Variants in RIMS1 observed in about 807,000 individuals in gnomAD.
RIMS1 encodes regulating synaptic membrane exocytosis protein 1.
RIMS1 carries 83 observed loss-of-function variants against 214.1 expected under a neutral mutation model. That is an observed-to-expected ratio of 0.39 (90% CI 0.32 to 0.47). RIMS1 has a LOEUF of 0.47. Ranked by LOEUF, RIMS1 falls within the 20% of genes least tolerant of loss-of-function variation. The pLI is 0.99. For synonymous variants in RIMS1, 793 were observed against 786.8 expected (o/e 1.01, Z -0.13); for missense variants, 2,050 against 2,161.8 (o/e 0.95, Z 1.03).
intron 1 of RIMS1, among the ~76,000 whole-genome samples, chr6:71,915,394 G>A (rs1193955856): frequency 6.6e-6 from 1 of 152,136 alleles, no homozygotes; most frequent in Non-Finnish European, 1.5e-5. Context: ...AGTTCTGAAT[G>A]TAAAAGGCCA....
chr6:71,995,316 G>A (rs895292849), intron 2 of RIMS1, among the ~76,000 whole-genome samples: 3 of 152,134 alleles, frequency 2.0e-5, no homozygotes, highest in Non-Finnish European at 4.4e-5. Context: ...AATCATTTCT[G>A]CCTCAGACTA....
intron 6 of RIMS1, among the ~76,000 whole-genome samples, chr6:72,209,074 A>G (rs1407138020): frequency 6.6e-6 from 1 of 152,222 alleles, no homozygotes; most frequent in East Asian, 1.9e-4. Flanking sequence ...AAAACAAAGA[A>G]TAGAATTCAT....
chr6:72,157,695 A>T lies in RIMS1; in HGVS notation c.472-21880A>T, dbSNP rs1434792779. Among the ~76,000 whole-genome samples the T allele has an allele frequency of 2.1e-5, 3 of 140,242 alleles. 1 individual carries two copies. Among genetic ancestry groups the T allele is most frequent in the Non-Finnish European group, 4.9e-5 (3 of 61,674 alleles). The allele number at this position is 140,242 out of a possible 152,430, so 92.0% of individuals were successfully genotyped here. A position where few individuals can be genotyped will look rare whatever the true frequency, so the allele number is the denominator to read the frequency against. ...TAGTCTTTCTTCTAATTAGCAAATC[A>T]TTGGCTTAGGTTGTTTACACAGTCC... On this transcript the variant is annotated intron_variant, in intron 4 of 33. Transcript: ENST00000521978.
chr6:72,323,970 T>A (rs2096301134), intron 28 of RIMS1, among the ~76,000 whole-genome samples: 1 of 151,734 alleles, frequency 6.6e-6, no homozygotes, highest in African/African-American at 2.4e-5. Context: ...AATTTTATGC[T>A]TAGTAAATAT....
At chr6:71,995,973 G>A (rs573220817) in intron 2 of RIMS1, among the ~76,000 whole-genome samples, 1 of 152,216 alleles carries the variant, frequency 6.6e-6, no homozygotes, top group Admixed American at 6.5e-5. Context: ...TTTTAATAGA[G>A]ACGGAATTTC....
chr6:72,055,507 T>C (rs551923714), intron 2 of RIMS1, among the ~76,000 whole-genome samples: 95 of 152,328 alleles, frequency 6.2e-4, no homozygotes, highest in Non-Finnish European at 3.8e-4. Context: ...TATTTTTCTC[T>C]TCCCTTATTG....
intron 2 of RIMS1, among the ~76,000 whole-genome samples, chr6:72,044,078 T>A (rs1011553752): frequency 1.3e-5 from 2 of 151,688 alleles, no homozygotes; most frequent in African/African-American, 4.8e-5. Flanking sequence ...AATCAGTAAA[T>A]GTTTAAAAAT....
intron 1 of RIMS1, among the ~76,000 whole-genome samples, chr6:71,967,947 C>T (rs1794888429): frequency 6.6e-6 from 1 of 152,144 alleles, no homozygotes; most frequent in South Asian, 2.1e-4. Context: ...ACCACTGCCT[C>T]ACCAGTGATC....
chr6:71,955,947 G>A (rs1486316343), intron 1 of RIMS1, among the ~76,000 whole-genome samples: 2 of 152,074 alleles, frequency 1.3e-5, no homozygotes, highest in East Asian at 3.9e-4. Context: ...TCTTGCCAAT[G>A]TTTTAATTGG....
At chr6:72,038,243 A>T (rs1820501036) in intron 2 of RIMS1, among the ~76,000 whole-genome samples, 1 of 149,034 alleles carries the variant, frequency 6.7e-6, no homozygotes. Flanking sequence ...GATATGAAAA[A>T]CCCAGATATA....
At chr6:71,964,370 A>C (rs112883569) in intron 1 of RIMS1, among the ~76,000 whole-genome samples, 3 of 152,176 alleles carry the variant, frequency 2.0e-5, no homozygotes, top group Non-Finnish European at 2.9e-5. Context: ...ATCTTTCAAA[A>C]GAGTCACTCT....
chr6:72,264,313 C>T (rs376870917), intron 19 of RIMS1, among the ~76,000 whole-genome samples: 1 of 152,176 alleles, frequency 6.6e-6, no homozygotes, highest in Non-Finnish European at 1.5e-5. Context: ...GAATCAGATG[C>T]CGTTGGGCCA....
chr6:72,069,868 A>C (rs1445678457), intron 2 of RIMS1, among the ~76,000 whole-genome samples: 1 of 152,194 alleles, frequency 6.6e-6, no homozygotes, highest in African/African-American at 2.4e-5. Flanking sequence ...GTCCATGCTT[A>C]ACTTAATTTG....
chr6:72,099,212 G>A (rs187216203), intron 3 of RIMS1, among the ~76,000 whole-genome samples: 1 of 152,320 alleles, frequency 6.6e-6, no homozygotes, highest in East Asian at 1.9e-4. Context: ...AAGTCATCAG[G>A]TCTTAAAAAG....
At chr6:72,103,300 A>G (rs1390871560) in intron 4 of RIMS1, among the ~76,000 whole-genome samples, 7 of 152,094 alleles carry the variant, frequency 4.6e-5, no homozygotes, top group African/African-American at 1.7e-4. Flanking sequence ...GAAATTTGCT[A>G]GCCTGTTTTT....
At chr6:72,201,941 A>G (rs2052058052) in intron 6 of RIMS1, among the ~76,000 whole-genome samples, 1 of 152,200 alleles carries the variant, frequency 6.6e-6, no homozygotes, top group Non-Finnish European at 1.5e-5. Flanking sequence ...GACTGATGTC[A>G]ACTACTGTAT....
chr6:72,350,746 T>C (rs1317789524), intron 29 of RIMS1, among the ~76,000 whole-genome samples: 1 of 152,172 alleles, frequency 6.6e-6, no homozygotes, highest in Middle Eastern at 3.2e-3. Context: ...ATTTACAAGC[T>C]CATTTACTAA....
At chr6:72,126,811 G>T (rs2039611357) in intron 4 of RIMS1, 1 of 209,598 alleles carries the variant, frequency 4.8e-6, no homozygotes, top group Non-Finnish European at 9.5e-6. Flanking sequence ...GGTGAATAAG[G>T]AACACTGCTA....
At chr6:72,033,415 A>G (rs1419465965) in intron 2 of RIMS1, among the ~76,000 whole-genome samples, 1 of 152,198 alleles carries the variant, frequency 6.6e-6, no homozygotes, top group Non-Finnish European at 1.5e-5. Context: ...ATTTACATCT[A>G]TACTTATCAC....
Sources: gnomAD v4.1 joint callset for allele counts (sites outside exome capture counted in the v4.1 genomes callset) on GRCh38, gnomAD v4.1.1 for gene constraint, MANE v1.5 for transcripts, NCBI Gene and HGNC (gene_info 2026-07-23, HGNC 2026-07-21) for gene names.